Variants in FTO observed in about 807,000 individuals in gnomAD.
FTO encodes alpha-ketoglutarate-dependent dioxygenase FTO.
FTO carries 47 observed loss-of-function variants against 63.9 expected under a neutral mutation model. The observed-to-expected ratio is 0.74, with a 90% CI of 0.58 to 0.94. FTO has a LOEUF of 0.94. Ranked by LOEUF, FTO falls within the 40% of genes least tolerant of loss-of-function variation. The probability of loss-of-function intolerance (pLI) is 0.00; values close to 1 mark genes in which losing one functional copy is unlikely to be tolerated. For missense variants in FTO, 562 were observed against 618.1 expected, an observed-to-expected ratio of 0.91 and a Z score of 0.96; for synonymous variants, 207 against 224.4, an observed-to-expected ratio of 0.92 and a Z score of 0.69.
At chr16:53,946,075 AG>A (rs1393988329) in intron 8 of FTO, among the ~76,000 whole-genome samples, 2 of 152,134 alleles carry the variant, frequency 1.3e-5, no homozygotes, top group Non-Finnish European at 2.9e-5. Flanking sequence ...ATGGTGGAGG[AG>A]GATGGGGGAA....
intron 1 of FTO, among the ~76,000 whole-genome samples, chr16:53,749,012 C>T (rs1408354883): frequency 5.9e-5 from 9 of 151,856 alleles, no homozygotes; most frequent in South Asian, 2.1e-4. Flanking sequence ...GTGATCCACC[C>T]GCCTCGGCTT....
chr16:53,981,159 TACA>T (rs1421044890), intron 8 of FTO: 1 of 152,112 alleles, frequency 6.6e-6, no homozygotes, highest in East Asian at 1.9e-4. Context: ...GCTCTGTCCA[TACA>T]ACAAGTTTAA....
chr16:53,822,644 C>T (rs1171581150), intron 2 of FTO, among the ~76,000 whole-genome samples: 2 of 151,920 alleles, frequency 1.3e-5, no homozygotes, highest in South Asian at 2.1e-4. Context: ...CTCATGTACT[C>T]GTGTCTGTTT....
chr16:53,775,161 T>G (rs898706466), intron 1 of FTO, among the ~76,000 whole-genome samples: 1 of 152,122 alleles, frequency 6.6e-6, no homozygotes, highest in Admixed American at 6.6e-5. Context: ...TGCCACCATA[T>G]CTACCTCTTC....
At chr16:53,774,140 A>T (rs954035676) in intron 1 of FTO, among the ~76,000 whole-genome samples, 6 of 152,182 alleles carry the variant, frequency 3.9e-5, no homozygotes, top group Non-Finnish European at 8.8e-5. Context: ...AGGATAAAAT[A>T]GGTTTAAAGC....
At chr16:54,097,142 C>G (rs1323607044) in intron 8 of FTO, among the ~76,000 whole-genome samples, 1 of 151,964 alleles carries the variant, frequency 6.6e-6, no homozygotes, top group Non-Finnish European at 1.5e-5. Flanking sequence ...GATGGGAAGA[C>G]CTTTAGGGAT....
intron 8 of FTO, chr16:53,993,686 G>A (rs1162949521): frequency 6.6e-6 from 1 of 152,150 alleles, no homozygotes; most frequent in East Asian, 1.9e-4. Context: ...TCCTTTTGTA[G>A]CCTGCTGCTT....
chr16:53,781,125 C>T (rs1347182838), intron 1 of FTO, among the ~76,000 whole-genome samples: 1 of 152,184 alleles, frequency 6.6e-6, no homozygotes, highest in Non-Finnish European at 1.5e-5. Context: ...TAAATCTTTG[C>T]TGATTATTAA....
intron 8 of FTO, among the ~76,000 whole-genome samples, chr16:54,106,808 TTA>T (rs1456732686): frequency 7.3e-6 from 1 of 136,370 alleles, no homozygotes; most frequent in Non-Finnish European, 1.5e-5. Flanking sequence ...TAATTACATA[TTA>T]TATATACTTA....
chr16:53,857,062 G>T (rs145747811), intron 4 of FTO, among the ~76,000 whole-genome samples: 1 of 134,132 alleles, frequency 7.5e-6, no homozygotes, highest in South Asian at 2.3e-4. Flanking sequence ...GTTGTTATTG[G>T]TATGGAAGTA....
At position 54,120,907 on chromosome 16, in the gene FTO, A is replaced by G. The variant is rs777707078; in HGVS notation, c.*8992A>G. 3.9e-5 allele frequency: 6 copies of G among 152,264 alleles called. No homozygotes were observed. Among genetic ancestry groups the G allele is most frequent in the Non-Finnish European group, 7.3e-5 (5 of 68,040 alleles). The allele number at this position is 152,264 out of a possible 1,614,324, so 9.4% of individuals were successfully genotyped here. A position where few individuals can be genotyped will look rare whatever the true frequency, so the allele number is the denominator to read the frequency against. On this transcript the variant is annotated 3_prime_UTR_variant, in exon 9 of 9. Coordinates refer to ENST00000471389, the MANE Select transcript of FTO (RefSeq NM_001080432.3). ...TTTACATATTATTAGAGCCACTGAA[A>G]TTTATGATGCAGGATATTAACGTCA...
At chr16:53,898,901 C>T (rs1394123858) in intron 7 of FTO, among the ~76,000 whole-genome samples, 1 of 152,160 alleles carries the variant, frequency 6.6e-6, no homozygotes. Flanking sequence ...TCTTGAACTC[C>T]TGGCCTTAAG....
intron 1 of FTO, among the ~76,000 whole-genome samples, chr16:53,796,947 C>T (rs752492356): frequency 6.6e-6 from 1 of 152,214 alleles, no homozygotes; most frequent in Non-Finnish European, 1.5e-5. Context: ...CCTTCTCTCC[C>T]CTAGTGGTTC....
At chr16:53,998,825 G>A (rs1346399911) in intron 8 of FTO, 2 of 152,164 alleles carry the variant, frequency 1.3e-5, no homozygotes, top group African/African-American at 4.8e-5. Context: ...CTATTAGTCT[G>A]ATTGAATTAT....
In FTO at chr16:53,884,688, T is replaced by G. The variant is rs554381693; in HGVS notation, c.1120-4144T>G. ...ATGGTGATAAAGTGGCTCAGAAATA[T>G]TCTTTTGAAGTCTTATTAGCTTTGC... On this transcript the variant is annotated intron_variant, in intron 6 of 8. Transcript: ENST00000471389. Among the ~76,000 whole-genome samples the G allele has an allele frequency of 2.0e-5, 3 of 152,348 alleles. No individual in the cohort carries two copies. The East Asian group carries it at 5.8e-4, about 29-fold the overall frequency.
At chr16:53,717,451 G>T (rs1323000953) in intron 1 of FTO, among the ~76,000 whole-genome samples, 1 of 151,820 alleles carries the variant, frequency 6.6e-6, no homozygotes, top group Non-Finnish European at 1.5e-5. Context: ...ATTCATATAG[G>T]CTTTGTTCAT....
At chr16:53,871,086 T>C (rs181522066) in intron 4 of FTO, among the ~76,000 whole-genome samples, 3 of 152,294 alleles carry the variant, frequency 2.0e-5, no homozygotes, top group African/African-American at 7.2e-5. Context: ...CTTTAACCTT[T>C]CCACTTTATT....
At chr16:53,740,561 C>T (rs956162778) in intron 1 of FTO, among the ~76,000 whole-genome samples, 2 of 152,184 alleles carry the variant, frequency 1.3e-5, no homozygotes, top group African/African-American at 4.8e-5. Flanking sequence ...AAAACATGCA[C>T]ATTTTACAGT....
At chr16:53,863,041 G>A (rs60740885) in intron 4 of FTO, among the ~76,000 whole-genome samples, 4,594 of 152,174 alleles carry the variant, frequency 0.03, 257 homozygotes, top group African/African-American at 0.1. Context: ...ATCTATTGCC[G>A]TGTTAAATGA....
Sources: allele counts gnomAD v4.1 joint callset (sites outside exome capture counted in the v4.1 genomes callset), GRCh38; gene constraint gnomAD v4.1.1; transcripts MANE v1.5; gene names NCBI Gene and HGNC (gene_info 2026-07-23, HGNC 2026-07-21).